BORCS5: variants seen among roughly 807,000 people sequenced by gnomAD.
The protein encoded by BORCS5 is BLOC-1 related complex subunit 5.
Under a neutral mutation model 22.1 loss-of-function variants are expected in BORCS5, and 17 were observed. The ratio of observed to expected loss-of-function variants is 0.77; its 90% CI spans 0.53 to 1.15. The LOEUF is 1.15. BORCS5 is among the 50% of genes most tolerant of loss of function. The pLI is 0.00. For synonymous variants in BORCS5, 117 were observed against 99.8 expected (o/e 1.17, Z -1.03); for missense variants, 247 against 253.2 (o/e 0.98, Z 0.17).
chr12:12,409,450 A>G (rs528781186), intron 2 of BORCS5, among the ~76,000 whole-genome samples: 137 of 151,868 alleles, frequency 9.0e-4, no homozygotes, highest in African/African-American at 3.1e-3. Context: ...TTATTGTTCA[A>G]TTCCCACCTG....
At chr12:12,409,799 C>T (rs1241065099) in intron 2 of BORCS5, among the ~76,000 whole-genome samples, 20 of 151,124 alleles carry the variant, frequency 1.3e-4, no homozygotes, top group South Asian at 1.3e-3. Flanking sequence ...CCTGAGGAAT[C>T]GCCACACTGA....
At chr12:12,442,760 G>A (rs568252360) in intron 3 of BORCS5, among the ~76,000 whole-genome samples, 1 of 152,210 alleles carries the variant, frequency 6.6e-6, no homozygotes, top group African/African-American at 2.4e-5. Context: ...CTGCCTCTTT[G>A]GAGTCCTTCA....
At chr12:12,376,780 T>C (rs1477324237) in intron 2 of BORCS5, among the ~76,000 whole-genome samples, 1 of 152,188 alleles carries the variant, frequency 6.6e-6, no homozygotes, top group Non-Finnish European at 1.5e-5. Flanking sequence ...TAATTAAATT[T>C]ATAGCAGTCC....
chr12:12,374,854 G>A (rs113449858), intron 2 of BORCS5, among the ~76,000 whole-genome samples: 2,125 of 151,446 alleles, frequency 0.014, 52 homozygotes, highest in African/African-American at 0.047. Flanking sequence ...TACTGGGGAG[G>A]CTGAGGTGGG....
intron 3 of BORCS5, among the ~76,000 whole-genome samples, chr12:12,436,528 CTTG>C (rs573062239): frequency 1.3e-3 from 197 of 152,270 alleles, no homozygotes; most frequent in African/African-American, 4.7e-3. Flanking sequence ...TTCCTGATAC[CTTG>C]ATGTACTGTA....
chr12:12,452,531 C>A (rs1214365725), intron 3 of BORCS5: 2 of 392,268 alleles, frequency 5.1e-6, no homozygotes, highest in East Asian at 7.3e-5. Context: ...GGGTGCGGGC[C>A]GGCGCGCAAG....
chr12:12,375,135 C>T (rs1030491972), intron 2 of BORCS5, among the ~76,000 whole-genome samples: 3 of 152,082 alleles, frequency 2.0e-5, no homozygotes, highest in Non-Finnish European at 4.4e-5. Context: ...ACTCAGCCTC[C>T]TGAGTAGCTG....
At chr12:12,410,834 T>C (rs1189044798) in intron 2 of BORCS5, among the ~76,000 whole-genome samples, 1 of 152,178 alleles carries the variant, frequency 6.6e-6, no homozygotes, top group Non-Finnish European at 1.5e-5. Context: ...GCCATTTTCA[T>C]GATACTGATT....
At chr12:12,359,668 A>AC (rs1433709883) in intron 1 of BORCS5, among the ~76,000 whole-genome samples, 3 of 114,292 alleles carry the variant, frequency 2.6e-5, no homozygotes, top group Non-Finnish European at 4.2e-5. Flanking sequence ...AGCCGCCTTG[A>AC]CTTAAAAAAA....
chr12:12,377,386 C>G (rs1863679804), intron 2 of BORCS5, among the ~76,000 whole-genome samples: 1 of 151,976 alleles, frequency 6.6e-6, no homozygotes, highest in Non-Finnish European at 1.5e-5. Context: ...ACCATGTTGG[C>G]CAGGCTGGTC....
chr12:12,364,421 T>C (rs1863361262), intron 2 of BORCS5, among the ~76,000 whole-genome samples: 1 of 152,122 alleles, frequency 6.6e-6, no homozygotes, highest in Admixed American at 6.6e-5. Flanking sequence ...ATTCATTAAG[T>C]GGAAGTAGAT....
At chr12:12,369,175 T>C (rs1354268502) in intron 2 of BORCS5, among the ~76,000 whole-genome samples, 1 of 152,220 alleles carries the variant, frequency 6.6e-6, no homozygotes, top group African/African-American at 2.4e-5. Flanking sequence ...TTTATGAAAA[T>C]GTGCTACCTA....
At chr12:12,392,663 C>T (rs558916435) in intron 2 of BORCS5, among the ~76,000 whole-genome samples, 3 of 152,212 alleles carry the variant, frequency 2.0e-5, no homozygotes, top group South Asian at 4.1e-4. Context: ...AAATGTGAGA[C>T]GCTGTCTGAA....
Position 12,470,675 on chromosome 12 carries a change from G to GAT in BORCS5, c.*4899_*4900insAT, listed in dbSNP as rs1295261972. Among the ~76,000 whole-genome samples the GAT allele has an allele frequency of 4.4e-5, 1 of 22,916 alleles. No homozygotes were observed. The highest frequency in any genetic ancestry group is 3.2e-4 in the East Asian group (1 of 3,110). 15.0% of individuals were successfully genotyped at this position (22,916 alleles called of 152,430 possible). A position where few individuals can be genotyped will look rare whatever the true frequency, so the allele number is the denominator to read the frequency against. The stretch of plus-strand genomic sequence containing the variant: ...CATAAATAACATTGAATTTCATGTG[G>GAT]GTTTTTTTTTTTTGACACACCAGGC... On this transcript the variant is annotated 3_prime_UTR_variant, in exon 4 of 4. Transcript: ENST00000314565.
intron 3 of BORCS5, among the ~76,000 whole-genome samples, chr12:12,446,386 G>C (rs1592134216): frequency 2.0e-5 from 3 of 152,258 alleles, no homozygotes; most frequent in African/African-American, 7.2e-5. Flanking sequence ...AGCTAGCCAG[G>C]AGACTCTTCT....
At chr12:12,422,282 CT>C (rs1942150077) in intron 2 of BORCS5, among the ~76,000 whole-genome samples, 1 of 137,650 alleles carries the variant, frequency 7.3e-6, no homozygotes, top group Admixed American at 7.5e-5. Context: ...GCTTTCTTTT[CT>C]TTTATTTTTT....
At chr12:12,431,444 G>C (rs1311143267) in intron 2 of BORCS5, among the ~76,000 whole-genome samples, 2 of 136,504 alleles carry the variant, frequency 1.5e-5, no homozygotes, top group African/African-American at 2.8e-5. Flanking sequence ...TGCTCTGTCG[G>C]CAGGCTGGAG....
intron 1 of BORCS5, 61 bp from the exon 2 acceptor site, chr12:12,361,144 CT>C: frequency 6.5e-7 from 1 of 1,529,728 alleles, no homozygotes. Context: ...ACACCAAAAA[CT>C]GCTTTGGTGA....
In BORCS5 at chr12:12,465,589, G is replaced by A. The variant is rs777851051; in HGVS notation, c.404G>A (p.Arg135His). ...VETLFSFMQE[R>H]QKRYAKYAEQ... ...ACTCTGTTCAGCTTCATGCAGGAGC[G>A]CCAGAAAAGATACGCCAAGTATGCC... The change falls in exon 4 of 4, where the codon CGC becomes CAC. Residue 135 changes from arginine (R) to histidine (H), a missense_variant. Arg to His is a conservative substitution (Grantham distance 29). Coordinates refer to ENST00000314565, the MANE Select transcript of BORCS5 (RefSeq NM_058169.6). 60 of 1,614,122 alleles carry A rather than the reference G, an allele frequency of 3.7e-5. No individual in the cohort carries two copies. Among genetic ancestry groups the A allele is most frequent in the Non-Finnish European group, 4.6e-5 (54 of 1,180,056 alleles).
Sources: gnomAD v4.1 joint callset for allele counts (sites outside exome capture counted in the v4.1 genomes callset) on GRCh38, gnomAD v4.1.1 for gene constraint, MANE v1.5 for transcripts, NCBI Gene and HGNC (gene_info 2026-07-23, HGNC 2026-07-21) for gene names.